The following SNX29 variants were observed in gnomAD, a reference collection of about 807,000 sequenced individuals.
The protein encoded by SNX29 is sorting nexin 29.
A neutral mutation model predicts 102.1 loss-of-function variants in SNX29; 78 were observed. The ratio of observed to expected loss-of-function variants is 0.76; its 90% confidence interval spans 0.64 to 0.92. SNX29 has a LOEUF of 0.92. Among genes scored for constraint, SNX29 ranks in the 40% least tolerant of loss-of-function variants. The pLI, the probability that SNX29 is intolerant of heterozygous loss-of-function variation, is 0.00. For missense variants in SNX29, 1,280 were observed against 1,061.7 expected, an observed-to-expected ratio of 1.21 and a Z score of -2.86; for synonymous variants, 580 against 414.5, an observed-to-expected ratio of 1.40 and a Z score of -4.85.
chr16:12,086,116 G>T (rs1238560548), intron 11 of SNX29, among the ~76,000 whole-genome samples: 2 of 149,520 alleles, frequency 1.3e-5, no homozygotes, highest in Non-Finnish European at 2.9e-5. Flanking sequence ...CCATTCTCCT[G>T]CCTCAGCCTC....
intron 9 of SNX29, among the ~76,000 whole-genome samples, chr16:12,067,618 G>T (rs1484834308): frequency 6.6e-6 from 1 of 152,180 alleles, no homozygotes; most frequent in Non-Finnish European, 1.5e-5. Flanking sequence ...TTTCCAAGTA[G>T]CTGGGATTAC....
chr16:12,394,004 T>G (rs1478525824), intron 16 of SNX29, among the ~76,000 whole-genome samples: 2 of 152,222 alleles, frequency 1.3e-5, no homozygotes, highest in African/African-American at 4.8e-5. Flanking sequence ...CCTGAGAGCT[T>G]ATGTACTTGG....
In SNX29 at chr16:12,569,574, A is replaced by G. The variant is rs889933170; in HGVS notation, c.*945A>G. On this transcript the variant is annotated 3_prime_UTR_variant, in exon 21 of 21. Coordinates refer to ENST00000566228, the MANE Select transcript of SNX29 (RefSeq NM_032167.5). ...AACAGATCATGTGTCTCTCCACTAAAAACATTTTCCATCCCGTCTGCCCCC... is the reference window on the plus strand; with the variant it reads ...AACAGATCATGTGTCTCTCCACTAAGAACATTTTCCATCCCGTCTGCCCCC... 8.7e-6 allele frequency: 2 copies of G among 230,636 alleles called. No individual in the cohort carries two copies. Among genetic ancestry groups the G allele is most frequent in the Non-Finnish European group, 1.7e-5 (2 of 116,508 alleles). The allele number at this position is 230,636 out of a possible 1,614,324, so 14.3% of individuals were successfully genotyped here.
chr16:12,200,702 C>G (rs1217593777), intron 14 of SNX29, among the ~76,000 whole-genome samples: 3 of 152,164 alleles, frequency 2.0e-5, no homozygotes, highest in Non-Finnish European at 4.4e-5. Flanking sequence ...CCAGTCTTGT[C>G]TTGAACTCCT....
chr16:12,525,731 C>G (rs143395746), intron 20 of SNX29, among the ~76,000 whole-genome samples: 1 of 130,306 alleles, frequency 7.7e-6, no homozygotes, highest in African/African-American at 2.9e-5. Flanking sequence ...AAAATCATTA[C>G]ACTTCAAAAT....
intron 19 of SNX29, among the ~76,000 whole-genome samples, chr16:12,503,252 C>G (rs2089212319): frequency 6.6e-6 from 1 of 152,180 alleles, no homozygotes. Context: ...TTTTGTGAAG[C>G]AGGTGCTGGA....
At chr16:12,243,320 G>A (rs1424545456) in intron 14 of SNX29, among the ~76,000 whole-genome samples, 4 of 152,242 alleles carry the variant, frequency 2.6e-5, no homozygotes, top group African/African-American at 9.6e-5. Context: ...CAGGTTTCCT[G>A]TCTGGCCCTC....
chr16:12,535,603 C>G (rs781283315), intron 20 of SNX29, among the ~76,000 whole-genome samples: 2 of 151,820 alleles, frequency 1.3e-5, no homozygotes, highest in Non-Finnish European at 2.9e-5. Flanking sequence ...AGCCTCTACC[C>G]TTTGTCACTG....
At chr16:12,229,536 C>T (rs538643362) in intron 14 of SNX29, among the ~76,000 whole-genome samples, 18 of 152,196 alleles carry the variant, frequency 1.2e-4, no homozygotes, top group African/African-American at 4.1e-4. Flanking sequence ...CATCAGATGG[C>T]CCCAAATAAA....
At chr16:12,464,664 A>T (rs1279383705) in intron 18 of SNX29, among the ~76,000 whole-genome samples, 1 of 152,148 alleles carries the variant, frequency 6.6e-6, no homozygotes, top group Admixed American at 6.5e-5. Context: ...TGTGTTGCCC[A>T]GGTTGGTCTT....
At chr16:12,537,618 G>C (rs764326115) in intron 20 of SNX29, among the ~76,000 whole-genome samples, 4 of 152,182 alleles carry the variant, frequency 2.6e-5, no homozygotes, top group African/African-American at 4.8e-5. Flanking sequence ...GTCCCAAAAT[G>C]ATTGAGTTGG....
At chr16:12,268,320 A>G (rs1235039183) in intron 14 of SNX29, among the ~76,000 whole-genome samples, 1 of 152,154 alleles carries the variant, frequency 6.6e-6, no homozygotes, top group East Asian at 1.9e-4. Context: ...CTGGCAGGTA[A>G]TGAACCTTCA....
chr16:12,240,254 C>T (rs2078061394), intron 14 of SNX29, among the ~76,000 whole-genome samples: 2 of 152,166 alleles, frequency 1.3e-5, no homozygotes. Flanking sequence ...TTGCTGGGCC[C>T]TTTAAGATTC....
At chr16:12,450,053 A>G (rs1215746826) in intron 18 of SNX29, among the ~76,000 whole-genome samples, 1 of 152,156 alleles carries the variant, frequency 6.6e-6, no homozygotes, top group Admixed American at 6.5e-5. Context: ...TTTATAAGGG[A>G]AAACCCCTTT....
chr16:12,551,301 C>A (rs960418548), intron 20 of SNX29, among the ~76,000 whole-genome samples: 1 of 152,136 alleles, frequency 6.6e-6, no homozygotes, highest in Non-Finnish European at 1.5e-5. Context: ...TTTGTCAGCC[C>A]ACCAAAAAGC....
chr16:12,557,141 C>T (rs3135019), intron 20 of SNX29, among the ~76,000 whole-genome samples: 2 of 151,778 alleles, frequency 1.3e-5, no homozygotes, highest in Non-Finnish European at 1.5e-5. Flanking sequence ...GAGTCACTGC[C>T]CCTGGTCACA....
intron 18 of SNX29, among the ~76,000 whole-genome samples, chr16:12,470,325 G>A (rs1036348341): frequency 1.3e-5 from 2 of 152,214 alleles, no homozygotes; most frequent in Admixed American, 6.5e-5. Flanking sequence ...GTCAGTGAAT[G>A]TTTATTTCTG....
In SNX29 at chr16:12,376,756, AAAG is replaced by A. The variant is rs1354521603; in HGVS notation, c.1899+20480_1899+20482del. On this transcript the variant is annotated intron_variant, in intron 16 of 20. Coordinates refer to ENST00000566228, the MANE Select transcript of SNX29 (RefSeq NM_032167.5). ...TGTCTCAAAAAAAAAAAAAAAAAAA[AAAG>A]AACAATTCTATGGCAGGAGTTTCTG... Among the ~76,000 whole-genome samples, 232 of 151,196 alleles carry A rather than the reference AAAG, an allele frequency of 1.5e-3. 1 individual carries two copies. The highest frequency in any genetic ancestry group is 2.6e-3 in the Non-Finnish European group (174 of 67,672).
rs74736558 is a variant in SNX29 at position 12,059,973 on chromosome 16, C to T, written c.1125-1555C>T. Among the ~76,000 whole-genome samples the T allele has an allele frequency of 5.3e-5, 8 of 152,274 alleles. No homozygotes were observed. In the East Asian group the frequency reaches 1.5e-3, roughly 29 times the overall value. On this transcript the variant is annotated intron_variant, in intron 8 of 20. Transcript: ENST00000566228. Reference sequence around the variant, plus strand: ...CCTCCCTTCCCTTTGTCTGCCCCCGCACTTCCCTTCTTAAGTAGGTATGAT... The same window carrying T: ...CCTCCCTTCCCTTTGTCTGCCCCCGTACTTCCCTTCTTAAGTAGGTATGAT...
Sources: gnomAD v4.1 joint callset for allele counts (sites outside exome capture counted in the v4.1 genomes callset) on GRCh38, gnomAD v4.1.1 for gene constraint, MANE v1.5 for transcripts, NCBI Gene and HGNC (gene_info 2026-07-23, HGNC 2026-07-21) for gene names.